HOXB3: variants seen among roughly 807,000 people sequenced by gnomAD.
HOXB3 encodes the protein homeobox protein Hox-B3.
HOXB3 carries 17 observed loss-of-function variants against 29.2 expected under a neutral mutation model. That is an observed-to-expected ratio of 0.58 (90% confidence interval 0.40 to 0.87). The LOEUF is 0.87. Among genes scored for constraint, HOXB3 ranks in the 40% least tolerant of loss-of-function variants. The probability of loss-of-function intolerance (pLI) is 0.00; values close to 1 mark genes in which losing one functional copy is unlikely to be tolerated. For missense variants in HOXB3, 637 were observed against 616.3 expected, an observed-to-expected ratio of 1.03 and a Z score of -0.35; for synonymous variants, 317 against 285.9, an observed-to-expected ratio of 1.11 and a Z score of -1.10.
chr17:48,573,788 A>T (rs771738347), intron 2 of HOXB3, 49 bp downstream of exon 2: 2 of 681,702 alleles, frequency 2.9e-6, no homozygotes, highest in South Asian at 3.2e-5. Flanking sequence ...TTGTGAAAAG[A>T]GCTCATAAAA....
Position 48,577,788 on chromosome 17 carries a change from C to A in HOXB3, c.-424-3774G>T, listed in dbSNP as rs1015184357. The A allele has an allele frequency of 1.4e-5, 18 of 1,272,940 alleles. No homozygotes were observed. The East Asian group carries it at 4.3e-4, about 31-fold the overall frequency. 78.9% of individuals were successfully genotyped at this position (1,272,940 alleles called of 1,614,324 possible). ...TTGGCTTCCCCAGCTCAACCCCCCC[C>A]CAACCCATGCCTCCGAAGTCCCTTT... On this transcript the variant is annotated intron_variant, in intron 1 of 4. Coordinates refer to ENST00000498678, the MANE Select transcript of HOXB3 (RefSeq NM_001384749.1).
At position 48,552,185 on chromosome 17, in the gene HOXB3, G is replaced by T. The variant is rs761879925; in HGVS notation, c.290C>A (p.Thr97Asn). ...ATTACTGCTGTTGCTAGTGGCACTG[G>T]TAGGTGCGGCACTGGGCGGGGGTGA... ...PGSPPPSAAP[T>N]SATSNSSNGG... The change falls in exon 4 of 5, where the codon ACC becomes AAC. Residue 97 changes from threonine to asparagine, a missense_variant. Physicochemically the swap from Thr to Asn is moderately conservative, Grantham distance 65. Coordinates refer to ENST00000498678, the MANE Select transcript of HOXB3 (RefSeq NM_001384749.1). 3.7e-6 allele frequency: 6 copies of T among 1,613,692 alleles called. No individual in the cohort carries two copies. The East Asian group carries it at 1.1e-4, about 30-fold the overall frequency.
rs1386462511 is a variant in HOXB3 at position 48,552,377 on chromosome 17, G to A, written c.98C>T (p.Pro33Leu). Residue 33 changes from proline to leucine, a missense_variant, in exon 4 of 5, where the codon CCC becomes CTC. Transcript: ENST00000498678. ...GSNGFGFDVP[P>L]QPPFQAATHL... is the part of the protein sequence containing the mutation. Reference sequence around the variant, plus strand: ...CGTGGCGGCCTGAAATGGGGGTTGGGGGGGGACATCGAAGCCGAAGCCATT... The same window carrying A: ...CGTGGCGGCCTGAAATGGGGGTTGGAGGGGGACATCGAAGCCGAAGCCATT... The A allele has an allele frequency of 1.1e-5, 17 of 1,613,454 alleles. No homozygotes were observed. Among genetic ancestry groups the A allele is most frequent in the Middle Eastern group, 3.3e-4 (2 of 6,080 alleles).
intron 3 of HOXB3, 160 bp downstream of exon 3, chr17:48,555,371 A>C: frequency 2.1e-6 from 1 of 476,912 alleles, no homozygotes; most frequent in East Asian, 3.5e-5. Context: ...AGAGGGAGGG[A>C]GGGAGGGAGG....
At chr17:48,552,733 T>C (rs2068814538) in intron 3 of HOXB3, 101 bp from the exon 4 acceptor site, 1 of 405,804 alleles carries the variant, frequency 2.5e-6, no homozygotes, top group Non-Finnish European at 4.4e-6. Context: ...GTTTTTTCTT[T>C]TCCCCTCCCC....
At position 48,554,996 on chromosome 17, in the gene HOXB3, G is replaced by A. The variant is rs1013452244; in HGVS notation, c.-159+535C>T. Among the ~76,000 whole-genome samples, 16 of 152,124 alleles carry A rather than the reference G, an allele frequency of 1.1e-4. No individual in the cohort carries two copies. Among genetic ancestry groups the A allele is most frequent in the Admixed American group, 9.2e-4 (14 of 15,290 alleles). On this transcript the variant is annotated intron_variant, in intron 3 of 4. Transcript: ENST00000498678. This position sits in a 1 kb window ranked among gnomAD's most constrained non-coding sequence, Gnocchi z 4.1. Reference sequence around the variant, plus strand: ...AAATTCAGGTTCCATATGGCTCCTCGGGAGGGAGGGAGGGAGACGGTGGCT... The same window carrying A: ...AAATTCAGGTTCCATATGGCTCCTCAGGAGGGAGGGAGGGAGACGGTGGCT...
intron 2 of HOXB3, among the ~76,000 whole-genome samples, chr17:48,560,748 C>T (rs1317778851): frequency 1.3e-5 from 2 of 152,200 alleles, no homozygotes; most frequent in Admixed American, 6.5e-5. Flanking sequence ...TCTGTCCTGG[C>T]TACCCTAGAG....
intron 4 of HOXB3, 62 bp from the exon 5 acceptor site, chr17:48,551,243 C>T (rs1168766107): frequency 3.2e-6 from 4 of 1,261,540 alleles, no homozygotes; most frequent in East Asian, 3.1e-5. Context: ...TTACTGAACA[C>T]GCCGAAATTG....
intron 2 of HOXB3, among the ~76,000 whole-genome samples, chr17:48,557,611 C>T (rs1347062188): frequency 6.6e-6 from 1 of 152,160 alleles, no homozygotes; most frequent in Non-Finnish European, 1.5e-5. Flanking sequence ...GCAACAGAAG[C>T]CACTTGCAGA....
At chr17:48,563,346 G>C (rs1208506736) in intron 2 of HOXB3, among the ~76,000 whole-genome samples, 1 of 152,206 alleles carries the variant, frequency 6.6e-6, no homozygotes, top group Non-Finnish European at 1.5e-5. Context: ...TCCAGAACCA[G>C]AGAACATGGG....
In HOXB3 at chr17:48,552,253, C is replaced by G. The variant is rs749606897; in HGVS notation, c.222G>C (p.Met74Ile). ...GGGGCTCGGGGGCCAGACCCGGCCT[C>G]ATGCAGCTGCCGTTGAGCTCCTTGC... Reference protein sequence around the residue: ...AKSKELNGSCMRPGLAPEPLS... With the variant: ...AKSKELNGSCIRPGLAPEPLS... The change falls in exon 4 of 5, where the codon ATG becomes ATC. Residue 74 changes from methionine (M) to isoleucine (I), a missense_variant. By Grantham distance (10) the Met-to-Ile change is conservative. Transcript: ENST00000498678. 2.5e-6 allele frequency: 4 copies of G among 1,613,548 alleles called. No homozygotes were observed. The highest frequency in any genetic ancestry group is 3.4e-6 in the Non-Finnish European group (4 of 1,179,896).
intron 1 of HOXB3, chr17:48,578,995 G>A (rs1383497414): frequency 6.6e-6 from 1 of 152,284 alleles, no homozygotes; most frequent in Non-Finnish European, 1.5e-5. Flanking sequence ...GGTGCGCAGA[G>A]GGACTTGTCA....
At chr17:48,577,956 A>G (rs2069821278) in intron 1 of HOXB3, 15 of 1,315,982 alleles carry the variant, frequency 1.1e-5, no homozygotes, top group Non-Finnish European at 1.5e-5. Context: ...TTCTGGGCGC[A>G]GGGAGGCGGC....
intron 1 of HOXB3, among the ~76,000 whole-genome samples, chr17:48,585,659 C>A (rs969036489): frequency 6.6e-6 from 1 of 152,222 alleles, no homozygotes; most frequent in African/African-American, 2.4e-5. Context: ...AGACCCCCAC[C>A]TCTCCCTGGG....
intron 1 of HOXB3, among the ~76,000 whole-genome samples, chr17:48,583,738 C>T (rs115478187): frequency 0.012 from 1,845 of 152,326 alleles, 36 homozygotes; most frequent in African/African-American, 0.04. Flanking sequence ...GAGATGGATT[C>T]TTCAGTTCAG....
intron 1 of HOXB3, chr17:48,578,570 G>A: frequency 2.7e-6 from 1 of 367,042 alleles, no homozygotes; most frequent in Non-Finnish European, 4.5e-6. Context: ...CCCAACACCA[G>A]GATTTACATA....
In HOXB3 at chr17:48,554,651, A is replaced by AG; in HGVS notation, c.-159+879dup. On this transcript the variant is annotated intron_variant, in intron 3 of 4. Coordinates refer to ENST00000498678, the MANE Select transcript of HOXB3 (RefSeq NM_001384749.1). The surrounding 1 kb of genome is among the most constrained non-coding windows in gnomAD (Gnocchi z 4.1). ...CACCTACGATGGCCCAAGGAGGCGA[A>AG]GAAGAGCAAGCGATCAGGACACCAA... The AG allele has an allele frequency of 1.4e-6, 1 of 702,294 alleles. No homozygotes were observed. The highest frequency in any genetic ancestry group is 2.6e-6 in the Non-Finnish European group (1 of 384,782). 43.5% of individuals were successfully genotyped at this position (702,294 alleles called of 1,614,324 possible).
intron 1 of HOXB3, chr17:48,577,894 G>A: frequency 2.2e-6 from 3 of 1,384,864 alleles, no homozygotes; most frequent in Non-Finnish European, 2.8e-6. Context: ...GCATCCAGGG[G>A]TAGACGACGG....
rs1182675320 is a variant in HOXB3 at position 48,555,662 on chromosome 17, GCCCCCCGC to G, written c.-246-52_-246-45del. The G allele has an allele frequency of 4.8e-5, 33 of 694,680 alleles. No individual in the cohort carries two copies. The East Asian group carries it at 8.1e-4, about 17-fold the overall frequency. The allele number at this position is 694,680 out of a possible 1,614,324, so 43.0% of individuals were successfully genotyped here. A position where few individuals can be genotyped will look rare whatever the true frequency, so the allele number is the denominator to read the frequency against. On this transcript the variant is annotated intron_variant, in intron 2 of 4. Transcript: ENST00000498678. ...AAAGACCACTGTTTAAAGCTGCGTCGCCCCCCGCCCCCCCGCCCCCGCCCCGCAAAGCC... is the reference window on the plus strand; with the variant it reads ...AAAGACCACTGTTTAAAGCTGCGTCGCCCCCCGCCCCCGCCCCGCAAAGCC...
Sources: gnomAD v4.1 joint callset for allele counts (sites outside exome capture counted in the v4.1 genomes callset) on GRCh38, gnomAD v4.1.1 for gene constraint, Gnocchi (gnomAD v3.1) non-coding constraint, MANE v1.5 for transcripts, NCBI Gene and HGNC (gene_info 2026-07-23, HGNC 2026-07-21) for gene names.